Variants in CACNA1C observed in about 807,000 individuals in gnomAD.
The protein encoded by CACNA1C is voltage-dependent L-type calcium channel subunit alpha-1C.
CACNA1C carries 30 observed loss-of-function variants against 229.0 expected under a neutral mutation model. That is an observed-to-expected ratio of 0.13 (90% CI 0.10 to 0.18). The LOEUF (loss-of-function observed/expected upper bound fraction) is 0.18. CACNA1C is among the 10% of genes least tolerant of loss of function. CACNA1C has a pLI of 1.00. For synonymous variants in CACNA1C, 1,114 were observed against 1,132.5 expected (o/e 0.98, Z 0.33); for missense variants, 1,658 against 2,845.0 (o/e 0.58, Z 9.49).
chr12:2,255,713 T>C (rs999518133), intron 3 of CACNA1C, among the ~76,000 whole-genome samples: 18 of 152,108 alleles, frequency 1.2e-4, no homozygotes, highest in South Asian at 2.1e-4. Flanking sequence ...TTCCTCCTCA[T>C]TGGACAGATA....
At chr12:2,565,222 A>G (rs928977034) in intron 11 of CACNA1C, among the ~76,000 whole-genome samples, 3 of 151,374 alleles carry the variant, frequency 2.0e-5, no homozygotes, top group Non-Finnish European at 4.4e-5. Flanking sequence ...TAATCCCAGC[A>G]CTTTGGGAGG....
intron 3 of CACNA1C, among the ~76,000 whole-genome samples, chr12:2,336,856 T>C (rs924992916): frequency 1.5e-4 from 23 of 151,824 alleles, no homozygotes; most frequent in African/African-American, 4.8e-4. Flanking sequence ...GCGAGTGGAG[T>C]GCCATGTCGG....
rs2097786224 is a variant in CACNA1C at position 2,691,352 on chromosome 12, G to A, written c.*153G>A. The A allele has an allele frequency of 2.4e-6, 2 of 837,952 alleles. No individual in the cohort carries two copies. Among genetic ancestry groups the A allele is most frequent in the Non-Finnish European group, 1.6e-6 (1 of 615,246 alleles). The allele number at this position is 837,952 out of a possible 1,614,324, so 51.9% of individuals were successfully genotyped here. A position where few individuals can be genotyped will look rare whatever the true frequency, so the allele number is the denominator to read the frequency against. Reference sequence around the variant, plus strand: ...GACCAGACGCGGAGCCTGGGTGCGCGAGCCGCCCTCCGGGAGGAAGGCGCC... The same window carrying A: ...GACCAGACGCGGAGCCTGGGTGCGCAAGCCGCCCTCCGGGAGGAAGGCGCC... On this transcript the variant is annotated 3_prime_UTR_variant, in exon 47 of 47. Transcript: ENST00000399655.
At chr12:2,399,780 T>C (rs1277449870) in intron 3 of CACNA1C, among the ~76,000 whole-genome samples, 1 of 152,284 alleles carries the variant, frequency 6.6e-6, no homozygotes, top group East Asian at 1.9e-4. Context: ...ACCCCACTCT[T>C]TTCTTCCCTG....
intron 2 of CACNA1C, among the ~76,000 whole-genome samples, chr12:2,119,252 A>G (rs1650428265): frequency 6.6e-6 from 1 of 151,818 alleles, no homozygotes; most frequent in Non-Finnish European, 1.5e-5. Flanking sequence ...TTTCCCTGAG[A>G]GAATTATGGT....
chr12:2,330,017 C>A (rs1283902810), intron 3 of CACNA1C, among the ~76,000 whole-genome samples: 1 of 152,298 alleles, frequency 6.6e-6, no homozygotes, highest in African/African-American at 2.4e-5. Context: ...CACTGGAAAC[C>A]CACTCAGTGT....
chr12:2,249,586 G>A (rs1566665215), intron 3 of CACNA1C, among the ~76,000 whole-genome samples: 3 of 152,110 alleles, frequency 2.0e-5, no homozygotes, highest in Non-Finnish European at 2.9e-5. Context: ...TCTGCAGTTC[G>A]TCACCCCCAA....
At chr12:2,238,981 A>G (rs1013992900) in intron 3 of CACNA1C, among the ~76,000 whole-genome samples, 7 of 152,232 alleles carry the variant, frequency 4.6e-5, no homozygotes, top group Non-Finnish European at 7.3e-5. Context: ...TAAAGTGGGA[A>G]TAACACTTGT....
chr12:2,119,465 T>A (rs1447705074), intron 2 of CACNA1C, among the ~76,000 whole-genome samples: 1 of 152,188 alleles, frequency 6.6e-6, no homozygotes, highest in Non-Finnish European at 1.5e-5. Context: ...GAAGGGGTAT[T>A]ATCACATTAG....
chr12:2,330,531 A>G (rs180926727), intron 3 of CACNA1C, among the ~76,000 whole-genome samples: 2 of 152,346 alleles, frequency 1.3e-5, no homozygotes, highest in African/African-American at 4.8e-5. Flanking sequence ...CAGGTGGGAA[A>G]GCTGGCGACT....
At chr12:2,002,489 G>A (rs900150685) in intron 1 of CACNA1C, among the ~76,000 whole-genome samples, 1 of 152,192 alleles carries the variant, frequency 6.6e-6, no homozygotes. Flanking sequence ...CATAACTCCT[G>A]TAATTAATGC....
intron 9 of CACNA1C, among the ~76,000 whole-genome samples, chr12:2,517,097 A>T (rs1189583222): frequency 6.6e-6 from 1 of 152,226 alleles, no homozygotes; most frequent in African/African-American, 2.4e-5. Context: ...GAAACTGACC[A>T]TTGGGCTTAG....
chr12:2,607,011 G>T lies in CACNA1C; in HGVS notation c.3237G>T (p.Gly1079=). The change falls in exon 26 of 47, where the codon GGG becomes GGT. Residue 1079 remains glycine (G), a synonymous_variant. Coordinates refer to ENST00000399655, the MANE Select transcript of CACNA1C (RefSeq NM_000719.7). ...GCAACTACATCACGTACAAAGACGG[G>T]GAGGTTGACCACCCCATCATCCAAC... is the stretch of plus-strand genomic sequence containing the variant. The part of the protein sequence containing the change: ...CKGNYITYKD[G]EVDHPIIQPR... 6.2e-7 allele frequency: 1 copy of T among 1,614,018 alleles called. No homozygotes were observed. Among genetic ancestry groups the T allele is most frequent in the Non-Finnish European group, 8.5e-7 (1 of 1,179,896 alleles).
At chr12:2,050,137 A>G (rs59679438), upstream of CACNA1C, among the ~76,000 whole-genome samples, 3,183 of 152,244 alleles carry the variant, frequency 0.021, 101 homozygotes, top group African/African-American at 0.072. Flanking sequence ...TATCTGCAGC[A>G]TATTTTGCAA....
At chr12:2,076,704 A>G (rs1252850344) in intron 1 of CACNA1C, among the ~76,000 whole-genome samples, 2 of 152,182 alleles carry the variant, frequency 1.3e-5, no homozygotes, top group African/African-American at 4.8e-5. Flanking sequence ...ATTCCCATTT[A>G]TTCTACACTT....
intron 3 of CACNA1C, among the ~76,000 whole-genome samples, chr12:2,416,551 A>T (rs896323820): frequency 5.3e-5 from 8 of 152,328 alleles, no homozygotes; most frequent in African/African-American, 1.9e-4. Context: ...GTCCCAGGTC[A>T]AACCACTAGT....
intron 37 of CACNA1C, among the ~76,000 whole-genome samples, chr12:2,667,273 A>G (rs1468874): frequency 0.77 from 111,394 of 145,046 alleles, 44,044 homozygotes; most frequent in South Asian, 0.89. Context: ...CCCCTCCACC[A>G]TGGCCACTCC....
At chr12:2,297,509 C>T (rs1012293073) in intron 3 of CACNA1C, among the ~76,000 whole-genome samples, 1 of 152,084 alleles carries the variant, frequency 6.6e-6, no homozygotes. Flanking sequence ...CCCTTGCTTC[C>T]AAGGAGGAAA....
At chr12:2,449,161 C>T (rs771078944) in intron 4 of CACNA1C, 46 bp downstream of exon 4, 10 of 1,413,858 alleles carry the variant, frequency 7.1e-6, no homozygotes, top group Middle Eastern at 1.8e-4. Flanking sequence ...ACCAGTGTTG[C>T]GGGACTTTTC....
Sources: gnomAD v4.1 joint callset for allele counts (sites outside exome capture counted in the v4.1 genomes callset) on GRCh38, gnomAD v4.1.1 for gene constraint, MANE v1.5 for transcripts, NCBI Gene and HGNC (gene_info 2026-07-23, HGNC 2026-07-21) for gene names.